DENND5A: variants seen among roughly 807,000 people sequenced by gnomAD.
The protein encoded by DENND5A is DENN domain-containing protein 5A.
A neutral mutation model predicts 140.3 loss-of-function variants in DENND5A; 64 were observed. That is an observed-to-expected ratio of 0.46 (90% CI 0.37 to 0.56). The LOEUF (loss-of-function observed/expected upper bound fraction) is 0.56. Ranked by LOEUF, DENND5A falls within the 20% of genes least tolerant of loss-of-function variation. The pLI is 0.00. For synonymous variants in DENND5A, 605 were observed against 607.7 expected, an observed-to-expected ratio of 1.00 and a Z score of 0.07; for missense variants, 1,292 against 1,593.8, an observed-to-expected ratio of 0.81 and a Z score of 3.22.
At chr11:9,166,074 T>A in intron 10 of DENND5A, 107 bp from the exon 11 acceptor site, 1 of 1,114,632 alleles carries the variant, frequency 9.0e-7, no homozygotes, top group South Asian at 1.5e-5. Context: ...ACATTTTCTT[T>A]TTTTTTCTTT....
intron 1 of DENND5A, among the ~76,000 whole-genome samples, chr11:9,229,434 C>T (rs1276934240): frequency 6.6e-6 from 1 of 152,104 alleles, no homozygotes; most frequent in African/African-American, 2.4e-5. Context: ...GAAATAGCCT[C>T]AGAAGCAAAG....
Position 9,150,219 on chromosome 11 carries a change from G to A in DENND5A, c.2607-10C>T, listed in dbSNP as rs1391005153. On this transcript the variant is annotated splice_polypyrimidine_tract_variant and intron_variant, in intron 14 of 22. Transcript: ENST00000328194. ...GATGTTCTGGATGTGCCTGGAGGAA[G>A]AATGTAAAAAGGAAGTGGAGGGTGG... 4 of 1,612,726 alleles carry A rather than the reference G, an allele frequency of 2.5e-6. No homozygotes were observed. Among genetic ancestry groups the A allele is most frequent in the Non-Finnish European group, 8.5e-7 (1 of 1,179,296 alleles).
intron 13 of DENND5A, among the ~76,000 whole-genome samples, chr11:9,151,212 G>A (rs1847604603): frequency 6.6e-6 from 1 of 152,160 alleles, no homozygotes; most frequent in Admixed American, 6.5e-5. Flanking sequence ...AAAAGCCCAA[G>A]AGAATATATA....
At chr11:9,184,266 T>A (rs1369088078) in intron 5 of DENND5A, among the ~76,000 whole-genome samples, 1 of 151,882 alleles carries the variant, frequency 6.6e-6, no homozygotes, top group Non-Finnish European at 1.5e-5. Flanking sequence ...GGCAGGAGAA[T>A]GTCATGAACC....
At chr11:9,223,241 A>G (rs1401092363) in intron 1 of DENND5A, among the ~76,000 whole-genome samples, 1 of 151,994 alleles carries the variant, frequency 6.6e-6, no homozygotes, top group Non-Finnish European at 1.5e-5. Context: ...GAAAAAAAAA[A>G]TTAAGGCTGG....
At chr11:9,231,770 A>G (rs919457915) in intron 1 of DENND5A, among the ~76,000 whole-genome samples, 7 of 150,412 alleles carry the variant, frequency 4.7e-5, no homozygotes, top group African/African-American at 1.7e-4. Context: ...CCTCAGTAAC[A>G]TAAGAGAAAG....
At chr11:9,184,285 G>A (rs531217400) in intron 5 of DENND5A, among the ~76,000 whole-genome samples, 4 of 151,932 alleles carry the variant, frequency 2.6e-5, no homozygotes, top group East Asian at 1.9e-4. Flanking sequence ...CCTCGGAGGC[G>A]GAGCTTGCAG....
At chr11:9,184,160 A>G (rs371118263) in intron 5 of DENND5A, among the ~76,000 whole-genome samples, 16 of 152,118 alleles carry the variant, frequency 1.1e-4, no homozygotes, top group East Asian at 3.9e-4. Flanking sequence ...AGACCATCCT[A>G]GCCAACATGG....
At chr11:9,203,078 C>T (rs191894509) in intron 4 of DENND5A, among the ~76,000 whole-genome samples, 2 of 152,310 alleles carry the variant, frequency 1.3e-5, no homozygotes, top group Non-Finnish European at 2.9e-5. Context: ...AGTGCACTCT[C>T]AGTAAATATG....
In DENND5A at chr11:9,178,186, T is replaced by C. The variant is rs1211963150; in HGVS notation, c.1852A>G (p.Thr618Ala). The C allele has an allele frequency of 2.5e-6, 4 of 1,614,126 alleles. No homozygotes were observed. Among genetic ancestry groups the C allele is most frequent in the South Asian group, 1.1e-5 (1 of 91,074 alleles). Residue 618 changes from threonine to alanine, a missense_variant, in exon 8 of 23, where the codon ACA (threonine) becomes GCA (alanine). Physicochemically the swap from Thr to Ala is moderately conservative, Grantham distance 58. This residue lies in a region of DENND5A where 199 missense variants were observed against 189.1 expected (regional missense o/e 1.05). Transcript: ENST00000328194. ...VDKIRLLNVR[T>A]PTLRTSMYQK... is the part of the protein sequence containing the mutation. The stretch of plus-strand genomic sequence containing the variant: ...TACATGGATGTACGGAGAGTAGGTG[T>C]CCGAACATTCAACAGCCTGATCTTG...
chr11:9,185,501 C>T (rs1319208380), intron 5 of DENND5A, among the ~76,000 whole-genome samples: 1 of 152,066 alleles, frequency 6.6e-6, no homozygotes, highest in East Asian at 1.9e-4. Context: ...TCTCCCTATG[C>T]CAACAAGTCA....
chr11:9,240,163 T>C (rs540558209), intron 1 of DENND5A, among the ~76,000 whole-genome samples: 1 of 152,182 alleles, frequency 6.6e-6, no homozygotes, highest in African/African-American at 2.4e-5. Flanking sequence ...ATCCCAGCAT[T>C]TTGGGAGGCC....
rs965192723 is a variant in DENND5A, at chr11:9,157,153, A to T, written c.2436+3560T>A. ...TATAGTGCCAGGCTTGCTAAATGTTATGGAAAATGATAAAAGGATTATATG... is the reference window on the plus strand; with the variant it reads ...TATAGTGCCAGGCTTGCTAAATGTTTTGGAAAATGATAAAAGGATTATATG... On this transcript the variant is annotated intron_variant, in intron 12 of 22. Coordinates refer to ENST00000328194, the MANE Select transcript of DENND5A (RefSeq NM_015213.4). 3.3e-5 allele frequency among the ~76,000 whole-genome samples: 5 copies of T among 152,314 alleles called. No individual in the cohort carries two copies. In the South Asian group the frequency reaches 1.0e-3, roughly 32 times the overall value.
intron 1 of DENND5A, among the ~76,000 whole-genome samples, chr11:9,225,399 T>C (rs1055520025): frequency 1.1e-4 from 16 of 152,232 alleles, no homozygotes; most frequent in Admixed American, 9.8e-4. Context: ...ATCCATGTAC[T>C]CACCTGAATG....
At chr11:9,145,185 G>A (rs1847385998) in intron 17 of DENND5A, 72 bp from the exon 18 acceptor site, 1 of 1,131,676 alleles carries the variant, frequency 8.8e-7, no homozygotes, top group South Asian at 1.3e-5. Flanking sequence ...CGGAGGCACA[G>A]ATCTGACTGG....
intron 5 of DENND5A, among the ~76,000 whole-genome samples, chr11:9,185,458 T>A (rs1848878183): frequency 6.6e-6 from 1 of 152,198 alleles, no homozygotes; most frequent in Non-Finnish European, 1.5e-5. Context: ...TGTATCCCTA[T>A]TGTATATCTA....
chr11:9,162,477 G>A (rs1848020803), intron 11 of DENND5A, among the ~76,000 whole-genome samples: 1 of 151,718 alleles, frequency 6.6e-6, no homozygotes, highest in Non-Finnish European at 1.5e-5. Flanking sequence ...GACCTCAAGT[G>A]ATCTGCCCAC....
chr11:9,231,191 C>G (rs1239738320), intron 1 of DENND5A, among the ~76,000 whole-genome samples: 1 of 152,154 alleles, frequency 6.6e-6, no homozygotes, highest in Non-Finnish European at 1.5e-5. Flanking sequence ...GAAAACAGGA[C>G]ACATAAATGT....
Position 9,203,840 on chromosome 11 carries a change from C to G in DENND5A, c.769G>C (p.Gly257Arg). ...VLYEVPLPPPGRSLKFSGVYG... is the reference protein window; with the variant it reads ...VLYEVPLPPPRRSLKFSGVYG... ...ACCCCAGAAAACTTCAAGGACCGGC[C>G]AGGAGGTGGGAGCGGCACCTCGTAG... Residue 257 changes from glycine (G) to arginine (R), a missense_variant, in exon 4 of 23, where the codon GGC becomes CGC. Around this residue, in one of 4 missense-constraint regions of DENND5A, gnomAD observed 566 missense variants for 650.4 expected, o/e 0.87. Transcript: ENST00000328194. The G allele has an allele frequency of 6.2e-7, 1 of 1,614,132 alleles. No individual in the cohort carries two copies. Among genetic ancestry groups the G allele is most frequent in the Non-Finnish European group, 8.5e-7 (1 of 1,180,018 alleles).
Sources: allele counts gnomAD v4.1 joint callset (sites outside exome capture counted in the v4.1 genomes callset), GRCh38; gene constraint gnomAD v4.1.1; regional missense constraint gnomAD v4.1.1; transcripts MANE v1.5; gene names NCBI Gene and HGNC (gene_info 2026-07-23, HGNC 2026-07-21).